ARHGAP22: variants seen among roughly 807,000 people sequenced by gnomAD.
ARHGAP22 encodes the protein rho GTPase-activating protein 22.
ARHGAP22 carries 48 observed loss-of-function variants against 59.1 expected under a neutral mutation model. The ratio of observed to expected loss-of-function variants is 0.81; its 90% CI spans 0.64 to 1.03. The LOEUF (loss-of-function observed/expected upper bound fraction) is 1.03, where lower values mean the gene tolerates loss of function less well. ARHGAP22 is among the 50% of genes least tolerant of loss of function. The probability of loss-of-function intolerance (pLI) is 0.00; values close to 1 mark genes in which losing one functional copy is unlikely to be tolerated. For missense variants in ARHGAP22, 1,015 were observed against 958.7 expected (o/e 1.06, Z -0.78); for synonymous variants, 445 against 416.4 (o/e 1.07, Z -0.84).
chr10:48,516,320 T>C (rs2053283055), intron 3 of ARHGAP22, among the ~76,000 whole-genome samples: 1 of 151,498 alleles, frequency 6.6e-6, no homozygotes, highest in Admixed American at 6.6e-5. Context: ...AGGTTAAGAG[T>C]TTGAGACGAG....
intron 3 of ARHGAP22, among the ~76,000 whole-genome samples, chr10:48,550,575 G>A (rs1055028081): frequency 6.6e-6 from 1 of 152,214 alleles, no homozygotes; most frequent in African/African-American, 2.4e-5. Context: ...TCCTAGCATG[G>A]AAACAACTAG....
At chr10:48,537,452 C>T (rs111737764) in intron 3 of ARHGAP22, among the ~76,000 whole-genome samples, 183 of 152,342 alleles carry the variant, frequency 1.2e-3, no homozygotes, top group Admixed American at 1.6e-3. Flanking sequence ...TCCAGCTCTG[C>T]CCCCAAGCCC....
chr10:48,465,996 C>A (rs1027529323), intron 4 of ARHGAP22, among the ~76,000 whole-genome samples: 1 of 152,108 alleles, frequency 6.6e-6, no homozygotes, highest in Non-Finnish European at 1.5e-5. Context: ...GGGCTGTAAG[C>A]GGTAAGATCC....
intron 2 of ARHGAP22, among the ~76,000 whole-genome samples, chr10:48,578,318 A>G (rs1298696451): frequency 2.0e-5 from 3 of 151,782 alleles, no homozygotes; most frequent in Non-Finnish European, 4.4e-5. Flanking sequence ...CCTCTCCCTC[A>G]TCTGTTTTCC....
At chr10:48,458,764 A>G (rs928702608) in intron 5 of ARHGAP22, among the ~76,000 whole-genome samples, 4 of 152,194 alleles carry the variant, frequency 2.6e-5, no homozygotes, top group Non-Finnish European at 4.4e-5. Context: ...CAACACTGGG[A>G]TGGAGCTTCA....
chr10:48,594,877 A>C, intron 1 of ARHGAP22, among the ~76,000 whole-genome samples: 1 of 149,776 alleles, frequency 6.7e-6, no homozygotes. Flanking sequence ...CTGCTTTCGG[A>C]TCCCCCTCCC....
intron 3 of ARHGAP22, among the ~76,000 whole-genome samples, chr10:48,545,648 C>A (rs768693353): frequency 6.6e-6 from 1 of 152,210 alleles, no homozygotes. Flanking sequence ...GCATGTCAGA[C>A]ACACAGTATC....
intron 3 of ARHGAP22, among the ~76,000 whole-genome samples, chr10:48,523,292 C>G (rs1451917273): frequency 6.6e-6 from 1 of 152,188 alleles, no homozygotes; most frequent in Non-Finnish European, 1.5e-5. Flanking sequence ...GCTTAATAAG[C>G]GCGGCAGGTG....
At chr10:48,603,382 A>G (rs1412345488) in intron 1 of ARHGAP22, among the ~76,000 whole-genome samples, 3 of 152,268 alleles carry the variant, frequency 2.0e-5, no homozygotes, top group Admixed American at 6.5e-5. Context: ...TAAAACAGGT[A>G]AAATTAGTTT....
At chr10:48,496,601 G>T (rs10857583) in intron 3 of ARHGAP22, among the ~76,000 whole-genome samples, 40,240 of 151,988 alleles carry the variant, frequency 0.26, 5,475 homozygotes, top group South Asian at 0.36. Context: ...TAGCTGCTGG[G>T]ACCTGACCTC....
At chr10:48,441,688 G>A (rs910599950), downstream of ARHGAP22, among the ~76,000 whole-genome samples, 11 of 152,048 alleles carry the variant, frequency 7.2e-5, no homozygotes, top group East Asian at 1.9e-4. Context: ...TCCTGACCTC[G>A]TGATCCACCC....
chr10:48,496,520 T>A (rs12260356), intron 3 of ARHGAP22, among the ~76,000 whole-genome samples: 40,231 of 151,958 alleles, frequency 0.26, 5,454 homozygotes, highest in South Asian at 0.36. Context: ...AGGTAAGAAC[T>A]GGAAGAGCAA....
At chr10:48,615,538 C>T (rs1379562543) in intron 1 of ARHGAP22, among the ~76,000 whole-genome samples, 2 of 151,902 alleles carry the variant, frequency 1.3e-5, no homozygotes, top group East Asian at 3.8e-4. Flanking sequence ...CAGTTTTCAA[C>T]AAAAAATTAT....
At chr10:48,459,361 T>TG (rs1554852459) in intron 5 of ARHGAP22, among the ~76,000 whole-genome samples, 1 of 152,122 alleles carries the variant, frequency 6.6e-6, no homozygotes, top group East Asian at 1.9e-4. Context: ...AGGCCTGGGG[T>TG]CCGGATGCAG....
In ARHGAP22 at chr10:48,455,032, G is replaced by A. The variant is rs773894826; in HGVS notation, c.762C>T (p.Cys254=). 8.1e-6 allele frequency: 13 copies of A among 1,609,746 alleles called. No homozygotes were observed. Among genetic ancestry groups the A allele is most frequent in the Middle Eastern group, 1.7e-4 (1 of 6,058 alleles). The part of the protein sequence containing the change: ...PFARYEDFLS[C]AQLLTKDEGE... ...CCTCGTCCTTGGTGAGCAGCTGGGC[G>A]CAGCTGAGGAAGTCCTCGTACCTGG... The change falls in exon 6 of 10, where the codon TGC becomes TGT. Residue 254 remains cysteine, a synonymous_variant. Transcript: ENST00000249601.
intron 4 of ARHGAP22, among the ~76,000 whole-genome samples, chr10:48,471,160 C>A (rs2048192134): frequency 6.6e-6 from 1 of 152,158 alleles, no homozygotes; most frequent in African/African-American, 2.4e-5. Context: ...AGAGTTGACT[C>A]CTGGGGGTCT....
chr10:48,584,385 A>G lies in ARHGAP22; in HGVS notation c.35-1233T>C, dbSNP rs543872769. Among the ~76,000 whole-genome samples, 43 of 152,248 alleles carry G rather than the reference A, an allele frequency of 2.8e-4. 1 individual carries two copies. The South Asian group carries it at 8.5e-3, about 30-fold the overall frequency. On this transcript the variant is annotated intron_variant, in intron 1 of 9. Coordinates refer to ENST00000249601, the MANE Select transcript of ARHGAP22 (RefSeq NM_021226.4). ...GGCATTAGCTGCATGGTGAGCTCCT[A>G]TATATCCTTCAAGAGCCAACTCAAA...
intron 3 of ARHGAP22, among the ~76,000 whole-genome samples, chr10:48,547,110 TGA>T (rs2056506490): frequency 6.6e-6 from 1 of 152,158 alleles, no homozygotes; most frequent in African/African-American, 2.4e-5. Context: ...TGATGTCTGT[TGA>T]GAGTGTGTGG....
In ARHGAP22 at chr10:48,601,962, G is replaced by A. The variant is rs140750358; in HGVS notation, c.34+2801C>T. On this transcript the variant is annotated intron_variant, in intron 1 of 9. Coordinates refer to ENST00000249601, the MANE Select transcript of ARHGAP22 (RefSeq NM_021226.4). ...GGTGCAGAGGTCTTCAGATAGTGTT[G>A]GGTTAGAGAGAAGGCAGAGGCCTTA... 7.3e-3 allele frequency among the ~76,000 whole-genome samples: 1,113 copies of A among 152,290 alleles called. 12 individuals are homozygous for A. The highest frequency in any genetic ancestry group is 0.026 in the African/African-American group (1,063 of 41,554).
Sources: gnomAD v4.1 joint callset for allele counts (sites outside exome capture counted in the v4.1 genomes callset) on GRCh38, gnomAD v4.1.1 for gene constraint, MANE v1.5 for transcripts, NCBI Gene and HGNC (gene_info 2026-07-23, HGNC 2026-07-21) for gene names.